Variants in TRIM11 observed in about 807,000 individuals in gnomAD.
The protein encoded by TRIM11 is tripartite motif containing 11.
TRIM11 carries 15 observed loss-of-function variants against 33.4 expected under a neutral mutation model. That is an observed-to-expected ratio of 0.45 (90% CI 0.30 to 0.69). The LOEUF (loss-of-function observed/expected upper bound fraction) is 0.69. TRIM11 is among the 30% of genes least tolerant of loss of function. The pLI, the probability that TRIM11 is intolerant of heterozygous loss-of-function variation, is 0.08. For missense variants in TRIM11, 499 were observed against 667.6 expected (o/e 0.75, Z 2.78); for synonymous variants, 281 against 302.6 (o/e 0.93, Z 0.74).
In TRIM11 at chr1:228,395,020, G is replaced by GTTCA; in HGVS notation, c.1088_1091dup (p.Arg365GlufsTer210). ...CGGACAGCTCGCCCTTCTCCTTCCT[G>GTTCA]TTCACGTTCTCCCTGCACACCCCCA... On this transcript the variant is annotated frameshift_variant, in exon 6 of 6. Coordinates refer to ENST00000284551, the MANE Select transcript of TRIM11 (RefSeq NM_145214.3). LOFTEE classifies it low-confidence loss of function (END_TRUNC). The surrounding 1 kb of genome is among the most constrained non-coding windows in gnomAD (Gnocchi z 4.8). 1 of 1,614,088 alleles carries GTTCA rather than the reference G, an allele frequency of 6.2e-7. No homozygotes were observed. The highest frequency in any genetic ancestry group is 8.5e-7 in the Non-Finnish European group (1 of 1,180,000).
chr1:228,397,317 G>T, intron 3 of TRIM11, 152 bp from the exon 4 acceptor site: 1 of 806,726 alleles, frequency 1.2e-6, no homozygotes, highest in Non-Finnish European at 2.0e-6. Context: ...TAAACCACCC[G>T]CAGCAAGGCT....
In TRIM11 at chr1:228,395,370, G is replaced by A. The variant is rs1167147309; in HGVS notation, c.860-118C>T. 1 of 1,144,696 alleles carries A rather than the reference G, an allele frequency of 8.7e-7. No individual in the cohort carries two copies. Among genetic ancestry groups the A allele is most frequent in the Non-Finnish European group, 1.1e-6 (1 of 877,366 alleles). The allele number at this position is 1,144,696 out of a possible 1,614,324, so 70.9% of individuals were successfully genotyped here. ...GTCGGACGGCCTGGCTCTCTGCCCT[G>A]GGCCTGTAGCCTCACAACCTCCTGG... On this transcript the variant is annotated intron_variant, in intron 5 of 5. Transcript: ENST00000284551. The surrounding 1 kb of genome is among the most constrained non-coding windows in gnomAD (Gnocchi z 4.8).
In TRIM11 at chr1:228,401,315, T is replaced by G. The variant is rs1203071021; in HGVS notation, c.505-121A>C. On this transcript the variant is annotated intron_variant, in intron 2 of 5. Coordinates refer to ENST00000284551, the MANE Select transcript of TRIM11 (RefSeq NM_145214.3). The surrounding 1 kb of genome is among the most constrained non-coding windows in gnomAD (Gnocchi z 6.1). ...TGCACCCAACCCCACCCCCGGGGCC[T>G]GCTAAAGCCAAAGCACAGCACCAGG... 2.4e-6 allele frequency: 3 copies of G among 1,253,922 alleles called. No homozygotes were observed. In the African/African-American group the frequency reaches 4.6e-5, roughly 19 times the overall value. 77.7% of individuals were successfully genotyped at this position (1,253,922 alleles called of 1,614,324 possible).
At position 228,400,900 on chromosome 1, in the gene TRIM11, C is replaced by G; in HGVS notation, c.735+64G>C. 1 of 1,445,622 alleles carries G rather than the reference C, an allele frequency of 6.9e-7. No individual in the cohort carries two copies. Among genetic ancestry groups the G allele is most frequent in the Non-Finnish European group, 9.1e-7 (1 of 1,102,324 alleles). The allele number at this position is 1,445,622 out of a possible 1,614,324, so 89.5% of individuals were successfully genotyped here. On this transcript the variant is annotated intron_variant, in intron 3 of 5. Coordinates refer to ENST00000284551, the MANE Select transcript of TRIM11 (RefSeq NM_145214.3). The surrounding 1 kb of genome is among the most constrained non-coding windows in gnomAD (Gnocchi z 4.5). ...CCTGCTTCTTGCACTTTCTGGTTCT[C>G]CCTCCCCCAGTGTGGCCAGGCCATG...
chr1:228,396,642 G>C, intron 5 of TRIM11: 1 of 707,472 alleles, frequency 1.4e-6, no homozygotes, highest in Non-Finnish European at 2.6e-6. Context: ...TTATGGGACT[G>C]AGCCCTTAAT....
rs1656184789 is a variant in TRIM11 at position 228,400,887 on chromosome 1, ACT to A, written c.735+75_735+76del. ...CAACCTCTCTGCCCCTGCTTCTTGC[ACT>A]TTCTGGTTCTCCCTCCCCCAGTGTG... On this transcript the variant is annotated intron_variant, in intron 3 of 5. Transcript: ENST00000284551. This position sits in a 1 kb window ranked among gnomAD's most constrained non-coding sequence, Gnocchi z 4.5. 7.0e-7 allele frequency: 1 copy of A among 1,434,592 alleles called. No individual in the cohort carries two copies. Among genetic ancestry groups the A allele is most frequent in the South Asian group, 1.5e-5 (1 of 68,030 alleles). 88.9% of individuals were successfully genotyped at this position (1,434,592 alleles called of 1,614,324 possible).
Position 228,397,447 on chromosome 1 carries a change from C to G in TRIM11, c.736-282G>C, listed in dbSNP as rs375703757. The stretch of plus-strand genomic sequence containing the variant: ...TGCCTGACACTTGGATGTAGGGCAT[C>G]TGGCTGTTGGCTCACTCACCCAGAG... On this transcript the variant is annotated intron_variant, in intron 3 of 5. Transcript: ENST00000284551. 901 of 482,708 alleles carry G rather than the reference C, an allele frequency of 1.9e-3. 18 individuals are homozygous for G. The South Asian group carries it at 0.03, about 16-fold the overall frequency. 29.9% of individuals were successfully genotyped at this position (482,708 alleles called of 1,614,324 possible). A position where few individuals can be genotyped will look rare whatever the true frequency, so the allele number is the denominator to read the frequency against.
rs2074993834 is a variant in TRIM11 at position 228,397,143 on chromosome 1, C to T, written c.758G>A (p.Arg253Lys). The change falls in exon 4 of 6, where the codon AGG becomes AAG. Residue 253 changes from arginine to lysine, a missense_variant and splice_region_variant. Transcript: ENST00000284551. ...LLQDIKDALR[R>K]VQDVKLQPPE... ...CCTCCAGGAGAGGCTGGGTTCGTAC[C>T]TGCGCAGGGCGTCCTTGATGTCCTA... The T allele has an allele frequency of 6.2e-7, 1 of 1,613,736 alleles. No individual in the cohort carries two copies. The highest frequency in any genetic ancestry group is 8.5e-7 in the Non-Finnish European group (1 of 1,179,840).
In TRIM11 at chr1:228,401,234, C is replaced by T. The variant is rs1272996056; in HGVS notation, c.505-40G>A. On this transcript the variant is annotated intron_variant, in intron 2 of 5. Coordinates refer to ENST00000284551, the MANE Select transcript of TRIM11 (RefSeq NM_145214.3). This position sits in a 1 kb window ranked among gnomAD's most constrained non-coding sequence, Gnocchi z 6.1. ...GAGAAGGACAGCTGAGGCCAGACCC[C>T]AGGCCCAGCCAGACCCCAAGTTTGG... 1 of 1,585,718 alleles carries T rather than the reference C, an allele frequency of 6.3e-7. No homozygotes were observed. Among genetic ancestry groups the T allele is most frequent in the Non-Finnish European group, 8.6e-7 (1 of 1,163,510 alleles).
rs3214991 is a variant in TRIM11 at position 228,405,996 on chromosome 1, AC to A, written c.408+157del. On this transcript the variant is annotated intron_variant, in intron 1 of 5. Transcript: ENST00000284551. ...AGCCCCCACAGCCACCCTGCGCGAC[AC>A]CCCCCTCACAGGCCCACAGCAGGCT... 1.8e-3 allele frequency: 1,366 copies of A among 770,002 alleles called. 23 individuals carry two copies. The Admixed American group carries it at 0.025, about 14-fold the overall frequency. The allele number at this position is 770,002 out of a possible 1,614,324, so 47.7% of individuals were successfully genotyped here. A position where few individuals can be genotyped will look rare whatever the true frequency, so the allele number is the denominator to read the frequency against.
intron 1 of TRIM11, chr1:228,404,582 G>C (rs1308301433): frequency 6.6e-6 from 1 of 152,242 alleles, no homozygotes. Flanking sequence ...AGCAGATGCA[G>C]GAAGAGCTCT....
rs56895565 is a variant in TRIM11, at chr1:228,394,634, C to T, written c.*71G>A. On this transcript the variant is annotated 3_prime_UTR_variant, in exon 6 of 6. Coordinates refer to ENST00000284551, the MANE Select transcript of TRIM11 (RefSeq NM_145214.3). This position sits in a 1 kb window ranked among gnomAD's most constrained non-coding sequence, Gnocchi z 6.2. ...GACACACTCCCTCCTCCCAGGTCCT[C>T]CAAGTGGCCAAAACACTCAGTGGCC... 0.014 allele frequency: 21,497 copies of T among 1,484,026 alleles called. 274 individuals are homozygous for T. Among genetic ancestry groups the T allele is most frequent in the East Asian group, 0.063 (2,692 of 42,938 alleles). 91.9% of individuals were successfully genotyped at this position (1,484,026 alleles called of 1,614,324 possible).
At chr1:228,399,072 C>A (rs1292546226) in intron 3 of TRIM11, among the ~76,000 whole-genome samples, 1 of 152,098 alleles carries the variant, frequency 6.6e-6, no homozygotes, top group Non-Finnish European at 1.5e-5. Context: ...CAGCCAGAGC[C>A]CCAGTGGGTG....
rs1248930797 is a variant in TRIM11 at position 228,393,789 on chromosome 1, C to T, written c.*916G>A. 6.6e-6 allele frequency: 1 copy of T among 152,274 alleles called. No individual in the cohort carries two copies. Among genetic ancestry groups the T allele is most frequent in the East Asian group, 1.9e-4 (1 of 5,194 alleles). The allele number at this position is 152,274 out of a possible 1,614,324, so 9.4% of individuals were successfully genotyped here. A position where few individuals can be genotyped will look rare whatever the true frequency, so the allele number is the denominator to read the frequency against. On this transcript the variant is annotated 3_prime_UTR_variant, in exon 6 of 6. Transcript: ENST00000284551. Reference sequence around the variant, plus strand: ...GGACAAAGAAACCCCAAACCCAACACAAAAATCAACTCCTGCCTTCTTCTG... The same window carrying T: ...GGACAAAGAAACCCCAAACCCAACATAAAAATCAACTCCTGCCTTCTTCTG...
intron 3 of TRIM11, among the ~76,000 whole-genome samples, chr1:228,398,284 G>C (rs1333162952): frequency 6.6e-6 from 1 of 152,152 alleles, no homozygotes; most frequent in Non-Finnish European, 1.5e-5. Flanking sequence ...GGCAAAGGAA[G>C]ATTTCCACAC....
intron 5 of TRIM11, chr1:228,396,485 T>C: frequency 3.4e-6 from 2 of 590,464 alleles, no homozygotes; most frequent in Admixed American, 5.9e-5. Context: ...GTGGTATCCT[T>C]CACAATAAAC....
chr1:228,395,420 C>T lies in TRIM11; in HGVS notation c.860-168G>A. 1.8e-6 allele frequency: 1 copy of T among 560,144 alleles called. No individual in the cohort carries two copies. 34.7% of individuals were successfully genotyped at this position (560,144 alleles called of 1,614,324 possible). A position where few individuals can be genotyped will look rare whatever the true frequency, so the allele number is the denominator to read the frequency against. On this transcript the variant is annotated intron_variant, in intron 5 of 5. Transcript: ENST00000284551. The surrounding 1 kb of genome is among the most constrained non-coding windows in gnomAD (Gnocchi z 4.8). ...GAGTAACTAACTGTCTCCAAGTGGA[C>T]ATCCTCTCCCCACTTAGCTACGTCC...
rs924934883 is a variant in TRIM11 at position 228,395,312 on chromosome 1, C to T, written c.860-60G>A. ...CCACAGGCAAGCTGGGGCCATCTGCCCATGTCCTGGGCATGTAGGTACAAT... is the reference window on the plus strand; with the variant it reads ...CCACAGGCAAGCTGGGGCCATCTGCTCATGTCCTGGGCATGTAGGTACAAT... On this transcript the variant is annotated intron_variant, in intron 5 of 5. Transcript: ENST00000284551. The surrounding 1 kb of genome is among the most constrained non-coding windows in gnomAD (Gnocchi z 4.8). 7.1e-7 allele frequency: 1 copy of T among 1,403,878 alleles called. No individual in the cohort carries two copies. Among genetic ancestry groups the T allele is most frequent in the African/African-American group, 1.4e-5 (1 of 69,326 alleles). The allele number at this position is 1,403,878 out of a possible 1,614,324, so 87.0% of individuals were successfully genotyped here. A position where few individuals can be genotyped will look rare whatever the true frequency, so the allele number is the denominator to read the frequency against.
In TRIM11 at chr1:228,397,154, G is replaced by T; in HGVS notation, c.747C>A (p.Asp249Glu). Reference protein sequence around the residue: ...PALGLLQDIKDALRRVQDVKL... With the variant: ...PALGLLQDIKEALRRVQDVKL... ...GGCTGGGTTCGTACCTGCGCAGGGC[G>T]TCCTTGATGTCCTATGTGGGGAGGA... Residue 249 changes from aspartate (D) to glutamate (E), a missense_variant, in exon 4 of 6, where the codon GAC becomes GAA. Coordinates refer to ENST00000284551, the MANE Select transcript of TRIM11 (RefSeq NM_145214.3). The T allele has an allele frequency of 6.2e-7, 1 of 1,613,362 alleles. No individual in the cohort carries two copies. Among genetic ancestry groups the T allele is most frequent in the South Asian group, 1.1e-5 (1 of 91,038 alleles).
Sources: allele counts gnomAD v4.1 joint callset (sites outside exome capture counted in the v4.1 genomes callset), GRCh38; gene constraint gnomAD v4.1.1; non-coding constraint Gnocchi (gnomAD v3.1); transcripts MANE v1.5; gene names NCBI Gene and HGNC (gene_info 2026-07-23, HGNC 2026-07-21).